Variants in MYH15 observed in about 807,000 individuals in gnomAD.
MYH15 encodes myosin-15.
Under a neutral mutation model 240.5 loss-of-function variants are expected in MYH15, and 227 were observed. The observed-to-expected ratio is 0.94, with a 90% confidence interval of 0.85 to 1.05. The LOEUF (loss-of-function observed/expected upper bound fraction) is 1.05. Ranked by LOEUF, MYH15 falls within the 50% of genes least tolerant of loss-of-function variation. The pLI is 0.00. For synonymous variants in MYH15, 785 were observed against 796.7 expected, an observed-to-expected ratio of 0.99 and a Z score of 0.25; for missense variants, 2,217 against 2,247.5, an observed-to-expected ratio of 0.99 and a Z score of 0.27.
At chr3:108,404,115 C>T (rs1175054139) in intron 33 of MYH15, among the ~76,000 whole-genome samples, 1 of 151,984 alleles carries the variant, frequency 6.6e-6, no homozygotes, top group Non-Finnish European at 1.5e-5. Flanking sequence ...GACTCAGAAC[C>T]TCTTAAGTAG....
In MYH15 at chr3:108,444,713, T is replaced by C. The variant is rs2082912856; in HGVS notation, c.2582A>G (p.Gln861Arg). The C allele has an allele frequency of 1.9e-6, 3 of 1,613,974 alleles. No homozygotes were observed. The highest frequency in any genetic ancestry group is 1.3e-5 in the African/African-American group (1 of 74,932). ...TTGCTTTGCTTTCAGTTCCTCCCTC[T>C]GAAACTCTGATTTCTCCAAGGCTTT... ...LQKALEKSEF[Q>R]REELKAKQVS... Residue 861 changes from glutamine to arginine, a missense_variant, in exon 22 of 41, where the codon CAG (glutamine) becomes CGG (arginine). Coordinates refer to ENST00000693548, the MANE Select transcript of MYH15 (RefSeq NM_014981.3).
upstream of MYH15, chr3:108,529,415 T>C (rs1232541558): frequency 9.9e-5 from 62 of 624,198 alleles, no homozygotes; most frequent in East Asian, 1.8e-3. Context: ...GGTGGAAACA[T>C]ACAAGATATA....
chr3:108,435,429 A>G (rs2082822799), intron 25 of MYH15, among the ~76,000 whole-genome samples: 2 of 152,072 alleles, frequency 1.3e-5, no homozygotes, highest in African/African-American at 4.8e-5. Flanking sequence ...ATCTTACATA[A>G]TCAACTTTAT....
intron 12 of MYH15, 120 bp from the exon 13 acceptor site, chr3:108,470,967 T>G (rs957686280): frequency 1.3e-6 from 1 of 786,600 alleles, no homozygotes; most frequent in African/African-American, 1.7e-5. Flanking sequence ...CCTTCTGTGC[T>G]TCCAACATTC....
At chr3:108,486,791 A>AC (rs909927865) in intron 9 of MYH15, among the ~76,000 whole-genome samples, 2 of 152,188 alleles carry the variant, frequency 1.3e-5, no homozygotes, top group African/African-American at 2.4e-5. Context: ...TTGGTGTAAA[A>AC]AAAAACAAAA....
chr3:108,520,404 A>G (rs1187746967), intron 1 of MYH15, among the ~76,000 whole-genome samples: 3 of 152,198 alleles, frequency 2.0e-5, no homozygotes, highest in African/African-American at 4.8e-5. Flanking sequence ...CCTTGGAAAG[A>G]TCAAAAGAAA....
intron 27 of MYH15, 118 bp from the exon 28 acceptor site, chr3:108,421,332 A>AGAGCAT: frequency 1.7e-6 from 2 of 1,187,642 alleles, no homozygotes; most frequent in Non-Finnish European, 2.3e-6. Context: ...TGTAGTAAAG[A>AGAGCAT]GCTCAGCCAG....
At chr3:108,529,353 T>C (rs143856569), upstream of MYH15, 412 of 1,149,730 alleles carry the variant, frequency 3.6e-4, 1 homozygote, top group African/African-American at 5.9e-3. Context: ...GAGAGAATGA[T>C]AGCCAGGAAG....
At chr3:108,417,012 T>C (rs2082639719) in intron 28 of MYH15, 82 bp from the exon 29 acceptor site, 1 of 1,079,780 alleles carries the variant, frequency 9.3e-7, no homozygotes, top group African/African-American at 1.6e-5. Context: ...ACTTTAAGGG[T>C]AGCCAGAATG....
intron 12 of MYH15, among the ~76,000 whole-genome samples, chr3:108,471,275 A>T (rs1431981679): frequency 6.6e-6 from 1 of 152,102 alleles, no homozygotes; most frequent in Non-Finnish European, 1.5e-5. Context: ...ATGTGTCCCA[A>T]AGCCTTGCTA....
chr3:108,421,589 G>T (rs749069880), intron 27 of MYH15, among the ~76,000 whole-genome samples: 2 of 152,130 alleles, frequency 1.3e-5, no homozygotes, highest in Non-Finnish European at 2.9e-5. Context: ...CTCTCATGAG[G>T]GTAGAGATCC....
intron 31 of MYH15, among the ~76,000 whole-genome samples, chr3:108,409,378 T>C (rs2082571551): frequency 6.6e-6 from 1 of 152,172 alleles, no homozygotes; most frequent in Admixed American, 6.5e-5. Context: ...AGTCCAAAGG[T>C]GGTGCCCAGA....
At chr3:108,460,195 C>G in intron 17 of MYH15, 105 bp downstream of exon 17, 15 of 1,009,872 alleles carry the variant, frequency 1.5e-5, no homozygotes, top group Non-Finnish European at 2.0e-5. Context: ...AACTTGCTAG[C>G]TCCTGATACT....
rs1441603270 is a variant in MYH15, at chr3:108,437,539, A to T, written c.3221+15T>A. 1 of 1,609,132 alleles carries T rather than the reference A, an allele frequency of 6.2e-7. No individual in the cohort carries two copies. On this transcript the variant is annotated intron_variant, in intron 25 of 40. Transcript: ENST00000693548. ...AGGTCTCCAGCAATCTCATGTCAAC[A>T]GAAAGGTGGCTTACTTCCTCAGCTC...
chr3:108,462,582 A>T (rs1322572149), intron 16 of MYH15, among the ~76,000 whole-genome samples: 5 of 152,084 alleles, frequency 3.3e-5, no homozygotes, highest in Non-Finnish European at 7.4e-5. Flanking sequence ...ATCTAACAGT[A>T]CTTTGTAAAT....
intron 10 of MYH15, 81 bp from the exon 11 acceptor site, chr3:108,485,310 T>G: frequency 1.3e-6 from 2 of 1,504,964 alleles, no homozygotes; most frequent in Non-Finnish European, 1.8e-6. Flanking sequence ...GTGTTACACC[T>G]CGGGCTGTGG....
chr3:108,543,476 T>C, the MYH15 span: 1 of 152,388 alleles, frequency 6.6e-6, no homozygotes, highest in African/African-American at 2.4e-5. Context: ...AGAGCTGTCT[T>C]CCTTCGTGGG....
intron 39 of MYH15, among the ~76,000 whole-genome samples, chr3:108,384,304 G>T (rs770209959): frequency 6.6e-6 from 1 of 152,120 alleles, no homozygotes. Context: ...CCATATCCAG[G>T]ATCATCAAGA....
chr3:108,488,789 G>A (rs2083324879), intron 9 of MYH15, among the ~76,000 whole-genome samples: 1 of 152,090 alleles, frequency 6.6e-6, no homozygotes, highest in African/African-American at 2.4e-5. Flanking sequence ...CATTTCCCTT[G>A]GATGTATTCC....
Sources: allele counts gnomAD v4.1 joint callset (sites outside exome capture counted in the v4.1 genomes callset), GRCh38; gene constraint gnomAD v4.1.1; transcripts MANE v1.5; gene names NCBI Gene and HGNC (gene_info 2026-07-23, HGNC 2026-07-21).